The following RBM26 variants were observed in gnomAD, a reference collection of about 807,000 sequenced individuals.
The protein encoded by RBM26 is RNA binding motif protein 26.
A neutral mutation model predicts 123.6 loss-of-function variants in RBM26; 30 were observed. The observed-to-expected ratio is 0.24, with a 90% CI of 0.18 to 0.33. The LOEUF (loss-of-function observed/expected upper bound fraction) is 0.33, where lower values mean the gene tolerates loss of function less well. RBM26 is among the 10% of genes least tolerant of loss of function. The pLI is 1.00. For missense variants in RBM26, 947 were observed against 1,203.6 expected (o/e 0.79, Z 3.15); for synonymous variants, 400 against 404.4 (o/e 0.99, Z 0.13).
intron 1 of RBM26, among the ~76,000 whole-genome samples, chr13:79,396,874 G>A (rs1488837850): frequency 2.0e-5 from 3 of 152,166 alleles, no homozygotes; most frequent in East Asian, 1.9e-4. Flanking sequence ...CTGTATGATC[G>A]TCTCAACAGA....
chr13:79,331,051 C>T (rs532825253), intron 20 of RBM26, among the ~76,000 whole-genome samples: 30 of 114,692 alleles, frequency 2.6e-4, no homozygotes, highest in Non-Finnish European at 5.2e-4. Flanking sequence ...GGCTCTGTCG[C>T]CCAGGCTGAA....
Position 79,372,911 on chromosome 13 carries a change from A to ATATAAATATAAATATATTTAT in RBM26, c.328-982_328-981insATAAATATATTTATATTTATA, listed in dbSNP as rs1322566054. Among the ~76,000 whole-genome samples the ATATAAATATAAATATATTTAT allele has an allele frequency of 2.9e-4, 22 of 75,618 alleles. 2 individuals are homozygous for ATATAAATATAAATATATTTAT. Among genetic ancestry groups the ATATAAATATAAATATATTTAT allele is most frequent in the Non-Finnish European group, 2.6e-4 (11 of 42,744 alleles). 49.6% of individuals were successfully genotyped at this position (75,618 alleles called of 152,430 possible). On this transcript the variant is annotated intron_variant, in intron 3 of 21. Transcript: ENST00000438737. ...CTATATAAAATATATCTTATATATT[A>ATATAAATATAAATATATTTAT]CATATTTTATATAATATATAAGATA...
intron 1 of RBM26, among the ~76,000 whole-genome samples, chr13:79,404,417 A>T (rs181624696): frequency 6.6e-6 from 1 of 152,370 alleles, no homozygotes; most frequent in Admixed American, 6.5e-5. Flanking sequence ...TCTTACTTCC[A>T]TTCTTGCCCT....
At chr13:79,386,544 T>C (rs1418443257) in intron 1 of RBM26, among the ~76,000 whole-genome samples, 1 of 137,262 alleles carries the variant, frequency 7.3e-6, no homozygotes, top group Admixed American at 8.7e-5. Flanking sequence ...GCCCAGATAG[T>C]TGTGGTTATA....
At chr13:79,365,290 C>T (rs747891420) in intron 9 of RBM26, among the ~76,000 whole-genome samples, 2 of 151,996 alleles carry the variant, frequency 1.3e-5, no homozygotes, top group Admixed American at 6.6e-5. Flanking sequence ...ACTAAAAATA[C>T]AAAAACTAGC....
intron 6 of RBM26, among the ~76,000 whole-genome samples, chr13:79,367,920 C>A (rs1324241636): frequency 5.3e-5 from 8 of 151,982 alleles, no homozygotes; most frequent in Non-Finnish European, 8.8e-5. Flanking sequence ...TAGAAATGTC[C>A]TTCATTTAAA....
chr13:79,385,973 C>T (rs60183984), intron 1 of RBM26, among the ~76,000 whole-genome samples: 3,586 of 152,022 alleles, frequency 0.024, 141 homozygotes, highest in African/African-American at 0.082. Context: ...CCCCAGCATC[C>T]GTACTGGCCT....
chr13:79,389,754 T>G (rs1433987113), intron 1 of RBM26: 1 of 152,222 alleles, frequency 6.6e-6, no homozygotes, highest in Non-Finnish European at 1.5e-5. Context: ...CAAAGTCTTT[T>G]GGTAAGTTTT....
intron 18 of RBM26, among the ~76,000 whole-genome samples, chr13:79,340,161 CTTTTT>C (rs58615322): frequency 6.6e-6 from 1 of 150,682 alleles, no homozygotes; most frequent in Non-Finnish European, 1.5e-5. Context: ...ATTTTTCAAA[CTTTTT>C]TTTTTCCCCA....
chr13:79,312,280 T>A (rs1037193230), exon 5 of RBM26: 7 of 152,108 alleles, frequency 4.6e-5, no homozygotes, highest in Admixed American at 4.6e-4. Context: ...CCAGACAATA[T>A]GTTCTGAAGT....
At chr13:79,330,751 A>T (rs1041273377) in intron 20 of RBM26, among the ~76,000 whole-genome samples, 2 of 152,194 alleles carry the variant, frequency 1.3e-5, no homozygotes, top group East Asian at 1.9e-4. Flanking sequence ...ACACATTTTT[A>T]AAAACATGCA....
At chr13:79,333,575 A>C (rs2069794699) in intron 20 of RBM26, among the ~76,000 whole-genome samples, 1 of 152,198 alleles carries the variant, frequency 6.6e-6, no homozygotes. Flanking sequence ...TTGGAAAACT[A>C]TTTCATCCCT....
At chr13:79,382,433 G>C (rs1472773657) in intron 1 of RBM26, among the ~76,000 whole-genome samples, 1 of 151,796 alleles carries the variant, frequency 6.6e-6, no homozygotes, top group Non-Finnish European at 1.5e-5. Flanking sequence ...TATAGATCGG[G>C]GAAAAAAAGA....
intron 20 of RBM26, among the ~76,000 whole-genome samples, chr13:79,331,059 G>GA (rs57548745): frequency 0.48 from 73,120 of 151,932 alleles, 18,143 homozygotes; most frequent in East Asian, 0.72. Context: ...CGCCCAGGCT[G>GA]AAGCACAGTG....
chr13:79,319,227 G>T lies in RBM26; in HGVS notation c.*1394C>A, dbSNP rs554754648. On this transcript the variant is annotated 3_prime_UTR_variant, in exon 22 of 22. Coordinates refer to ENST00000438737, the MANE Select transcript of RBM26 (RefSeq NM_001366735.2). The stretch of plus-strand genomic sequence containing the variant: ...GGTGGTGGAACAACAGCTTTTGATT[G>T]TGAGGACCCCAATATGGAAGAAAGT... 10 of 984,192 alleles carry T rather than the reference G, an allele frequency of 1.0e-5. No homozygotes were observed. The highest frequency in any genetic ancestry group is 1.1e-5 in the Non-Finnish European group (9 of 829,138). The allele number at this position is 984,192 out of a possible 1,614,324, so 61.0% of individuals were successfully genotyped here.
intron 12 of RBM26, 38 bp downstream of exon 12, chr13:79,355,182 A>G (rs754476142): frequency 1.3e-6 from 2 of 1,593,142 alleles, no homozygotes; most frequent in Non-Finnish European, 1.7e-6. Flanking sequence ...AGAGCTTTCT[A>G]AGAAATGCGC....
At chr13:79,323,262 A>G (rs2067913494) in intron 20 of RBM26, among the ~76,000 whole-genome samples, 1 of 151,630 alleles carries the variant, frequency 6.6e-6, no homozygotes, top group African/African-American at 2.4e-5. Context: ...ATACTCACAC[A>G]AGATTTATAA....
chr13:79,388,713 G>C (rs1292026390), intron 1 of RBM26, among the ~76,000 whole-genome samples: 1 of 152,150 alleles, frequency 6.6e-6, no homozygotes, highest in African/African-American at 2.4e-5. Flanking sequence ...ACTGGTAACT[G>C]CAAGTTTATA....
intron 1 of RBM26, among the ~76,000 whole-genome samples, chr13:79,399,976 A>G (rs1254814501): frequency 2.6e-5 from 4 of 152,180 alleles, no homozygotes; most frequent in Non-Finnish European, 4.4e-5. Context: ...GACTGTGAAG[A>G]GTGGTTAAGT....
Sources: gnomAD v4.1 joint callset for allele counts (sites outside exome capture counted in the v4.1 genomes callset) on GRCh38, gnomAD v4.1.1 for gene constraint, MANE v1.5 for transcripts, NCBI Gene and HGNC (gene_info 2026-07-23, HGNC 2026-07-21) for gene names.